UBE2G1: variants seen among roughly 807,000 people sequenced by gnomAD.
UBE2G1 encodes ubiquitin conjugating enzyme E2 G1, also known as ubiquitin-conjugating enzyme E2 G1.
In UBE2G1, 5 loss-of-function variants were observed where a neutral mutation model predicts 22.7. That is an observed-to-expected ratio of 0.22 (90% CI 0.12 to 0.46). The LOEUF (loss-of-function observed/expected upper bound fraction) is 0.46, where lower values mean the gene tolerates loss of function less well. Among genes scored for constraint, UBE2G1 ranks in the 20% least tolerant of loss-of-function variants. The pLI is 0.99. For missense variants in UBE2G1, 88 were observed against 203.9 expected, an observed-to-expected ratio of 0.43 and a Z score of 3.46; for synonymous variants, 74 against 67.5, an observed-to-expected ratio of 1.10 and a Z score of -0.47.
intron 1 of UBE2G1, among the ~76,000 whole-genome samples, chr17:4,351,498 G>A (rs750364853): frequency 1.3e-5 from 2 of 152,166 alleles, no homozygotes; most frequent in Admixed American, 6.5e-5. Context: ...AAGAGCAAAG[G>A]TGTCATCCTA....
At chr17:4,343,902 A>G (rs971831857) in intron 1 of UBE2G1, among the ~76,000 whole-genome samples, 3 of 152,124 alleles carry the variant, frequency 2.0e-5, no homozygotes, top group Non-Finnish European at 2.9e-5. Flanking sequence ...CCTTTTTTCA[A>G]GAGGAGCAGA....
At chr17:4,329,473 G>A (rs746201698) in intron 1 of UBE2G1, among the ~76,000 whole-genome samples, 5 of 151,664 alleles carry the variant, frequency 3.3e-5, no homozygotes, top group East Asian at 1.9e-4. Flanking sequence ...CAGGAGGATC[G>A]CTTGATCCCA....
chr17:4,283,907 T>C (rs537269049), intron 4 of UBE2G1, among the ~76,000 whole-genome samples: 17 of 152,076 alleles, frequency 1.1e-4, no homozygotes, highest in African/African-American at 3.4e-4. Context: ...TCTCAGCACT[T>C]TGGGAGGCCG....
intron 1 of UBE2G1, among the ~76,000 whole-genome samples, chr17:4,363,762 C>A (rs1182306192): frequency 6.6e-6 from 1 of 151,646 alleles, no homozygotes; most frequent in Non-Finnish European, 1.5e-5. Context: ...ACCATCCTGG[C>A]TAACACAGTG....
rs558507725 is a variant in UBE2G1, at chr17:4,270,606, A to G, written c.*1948T>C. On this transcript the variant is annotated 3_prime_UTR_variant, in exon 6 of 6. Transcript: ENST00000396981. ...TATTCCAAGTCCCTGGAGGGTGTGC[A>G]GTGCTGACATTTTGGGGCAACTATT... 9.9e-5 allele frequency: 15 copies of G among 151,718 alleles called. No homozygotes were observed. Among genetic ancestry groups the G allele is most frequent in the Admixed American group, 6.6e-4 (10 of 15,214 alleles). 9.4% of individuals were successfully genotyped at this position (151,718 alleles called of 1,614,324 possible).
At position 4,272,262 on chromosome 17, in the gene UBE2G1, T is replaced by A. The variant is rs1467638838; in HGVS notation, c.*292A>T. On this transcript the variant is annotated 3_prime_UTR_variant, in exon 6 of 6. Coordinates refer to ENST00000396981, the MANE Select transcript of UBE2G1 (RefSeq NM_003342.5). ...TGTATTTGTGGATGTACATGAACAG[T>A]ATATATATTATCCGGATCATGTTGT... is the stretch of plus-strand genomic sequence containing the variant. 6.7e-6 allele frequency: 1 copy of A among 148,820 alleles called. No homozygotes were observed. The highest frequency in any genetic ancestry group is 1.5e-5 in the Non-Finnish European group (1 of 65,184). The allele number at this position is 148,820 out of a possible 1,614,324, so 9.2% of individuals were successfully genotyped here.
At chr17:4,314,367 T>C (rs1277659469) in intron 1 of UBE2G1, among the ~76,000 whole-genome samples, 4 of 152,196 alleles carry the variant, frequency 2.6e-5, no homozygotes, top group African/African-American at 9.7e-5. Flanking sequence ...TGAGTGTCAA[T>C]AAAGTTAGTA....
At chr17:4,279,484 A>AG (rs1567513566) in intron 5 of UBE2G1, among the ~76,000 whole-genome samples, 2 of 152,208 alleles carry the variant, frequency 1.3e-5, no homozygotes, top group African/African-American at 4.8e-5. Flanking sequence ...ATCAATTTCA[A>AG]TGGATTCAAC....
chr17:4,348,695 C>A (rs1391366950), intron 1 of UBE2G1, among the ~76,000 whole-genome samples: 2 of 151,268 alleles, frequency 1.3e-5, no homozygotes, highest in Non-Finnish European at 2.9e-5. Context: ...CACCCCACCA[C>A]TACTAAAATA....
Position 4,316,663 on chromosome 17 carries a change from G to A in UBE2G1, c.47-9540C>T, listed in dbSNP as rs1017445. Among the ~76,000 whole-genome samples, 849 of 152,054 alleles carry A rather than the reference G, an allele frequency of 5.6e-3. 4 individuals are homozygous for A. The highest frequency in any genetic ancestry group is 8.1e-3 in the Non-Finnish European group (552 of 67,984). ...GAATTTTTTATTTGTACCACGACAC[G>A]GGCTACCGGCTAGCTGATTTCCTAA... On this transcript the variant is annotated intron_variant, in intron 1 of 5. Coordinates refer to ENST00000396981, the MANE Select transcript of UBE2G1 (RefSeq NM_003342.5).
intron 1 of UBE2G1, among the ~76,000 whole-genome samples, chr17:4,321,503 T>C (rs2143760621): frequency 6.6e-6 from 1 of 152,252 alleles, no homozygotes; most frequent in Non-Finnish European, 1.5e-5. Context: ...GCCTTCTTTC[T>C]TTTTTTGGAG....
chr17:4,355,472 T>C (rs1969895261), intron 1 of UBE2G1, among the ~76,000 whole-genome samples: 1 of 148,582 alleles, frequency 6.7e-6, no homozygotes, highest in Non-Finnish European at 1.5e-5. Flanking sequence ...TGAAACAACA[T>C]TTCTACTAAA....
intron 4 of UBE2G1, 82 bp from the exon 5 acceptor site, chr17:4,283,003 T>A: frequency 8.6e-7 from 1 of 1,167,668 alleles, no homozygotes; most frequent in Non-Finnish European, 1.2e-6. Context: ...ATTTTGAATG[T>A]AATCCCTTGG....
At chr17:4,317,357 A>G in intron 1 of UBE2G1, among the ~76,000 whole-genome samples, 1 of 149,104 alleles carries the variant, frequency 6.7e-6, no homozygotes, top group East Asian at 2.0e-4. Flanking sequence ...TCTCAAAAAG[A>G]AAAAAAAAAA....
intron 1 of UBE2G1, among the ~76,000 whole-genome samples, chr17:4,314,270 G>T (rs1969342960): frequency 6.6e-6 from 1 of 152,134 alleles, no homozygotes; most frequent in Admixed American, 6.6e-5. Context: ...CAGACAAAAA[G>T]GAAGCTATCG....
intron 1 of UBE2G1, among the ~76,000 whole-genome samples, chr17:4,337,714 A>G (rs971729220): frequency 2.0e-5 from 3 of 152,110 alleles, no homozygotes; most frequent in Non-Finnish European, 4.4e-5. Context: ...GTACACTAAT[A>G]AAGCTATACT....
intron 1 of UBE2G1, among the ~76,000 whole-genome samples, chr17:4,310,117 T>C (rs529665966): frequency 2.0e-5 from 3 of 152,354 alleles, no homozygotes; most frequent in East Asian, 3.9e-4. Flanking sequence ...CCATTTAAAG[T>C]GATAGAACCT....
At chr17:4,286,315 GA>G (rs201441372) in intron 4 of UBE2G1, among the ~76,000 whole-genome samples, 1,771 of 150,976 alleles carry the variant, frequency 0.012, 34 homozygotes, top group African/African-American at 0.042. Flanking sequence ...TGAGGCAGGA[GA>G]ATCACTTGAA....
At chr17:4,339,167 G>A (rs943900732) in intron 1 of UBE2G1, among the ~76,000 whole-genome samples, 1 of 152,156 alleles carries the variant, frequency 6.6e-6, no homozygotes, top group African/African-American at 2.4e-5. Flanking sequence ...TTAAACCTGA[G>A]TTTGTGGAAG....
Sources: gnomAD v4.1 joint callset for allele counts (sites outside exome capture counted in the v4.1 genomes callset) on GRCh38, gnomAD v4.1.1 for gene constraint, MANE v1.5 for transcripts, NCBI Gene and HGNC (gene_info 2026-07-23, HGNC 2026-07-21) for gene names.